NF1: variants seen among roughly 807,000 people sequenced by gnomAD.
NF1 encodes neurofibromin 1.
NF1 carries 122 observed loss-of-function variants against 325.7 expected under a neutral mutation model. That is an observed-to-expected ratio of 0.37 (90% CI 0.32 to 0.44). The LOEUF is 0.44. NF1 is among the 20% of genes least tolerant of loss of function. NF1 has a pLI of 1.00. For missense variants in NF1, 2,140 were observed against 3,415.4 expected, an observed-to-expected ratio of 0.63 and a Z score of 9.31; for synonymous variants, 1,091 against 1,186.0, an observed-to-expected ratio of 0.92 and a Z score of 1.65.
At chr17:31,112,106 ACCTCCATCCCATCCCTAGGGAAC>A (rs1913471382) in intron 1 of NF1, among the ~76,000 whole-genome samples, 1 of 151,760 alleles carries the variant, frequency 6.6e-6, no homozygotes, top group Non-Finnish European at 1.5e-5. Context: ...ATCCATTCCT[ACCTCCATCCCATCCCTAGGGAAC>A]CCTTGAGCTG....
chr17:31,293,209 A>AAAAAAAAAAAAAAAC (rs2068385746), intron 36 of NF1, among the ~76,000 whole-genome samples: 3 of 134,848 alleles, frequency 2.2e-5, no homozygotes, highest in South Asian at 2.3e-4. Flanking sequence ...AAAAAAAAAA[A>AAAAAAAAAAAAAAAC]AAGAAACCTA....
At position 31,358,498 on chromosome 17, in the gene NF1, T is replaced by C. The variant is rs1555536881; in HGVS notation, c.7989T>C (p.Ser2663=). 1 of 1,613,918 alleles carries C rather than the reference T, an allele frequency of 6.2e-7. No homozygotes were observed. The highest frequency in any genetic ancestry group is 8.5e-7 in the Non-Finnish European group (1 of 1,179,894). ...VFPVVHNLLD[S]KINTLLSLCQ... ...CTTTTAGGCATAATTTGTTGGACTCTAAGATCAACACCCTGTTATCATTGT... is the reference window on the plus strand; with the variant it reads ...CTTTTAGGCATAATTTGTTGGACTCCAAGATCAACACCCTGTTATCATTGT... Residue 2663 remains serine (S), a synonymous_variant, in exon 55 of 58, where the codon TCT becomes TCC. Coordinates refer to ENST00000358273, the MANE Select transcript of NF1 (RefSeq NM_001042492.3).
chr17:31,362,254 C>T, intron 57 of NF1: 2 of 967,270 alleles, frequency 2.1e-6, no homozygotes, highest in Non-Finnish European at 2.5e-6. Flanking sequence ...GCTGTGAAGG[C>T]CAGGGCAAAA....
At chr17:31,250,838 T>A (rs1314659363) in intron 30 of NF1, 1 of 186,564 alleles carries the variant, frequency 5.4e-6, no homozygotes, top group East Asian at 8.7e-5. Context: ...TTAGAGCACT[T>A]CACAGTAAAA....
rs575837517 is a variant in NF1, at chr17:31,245,270, T to TC, written c.3975-3711dup. ...GATTACTGTTGTAGCTTAACTGTTCTCCCTGCATATAATCCCCATATTTAG... is the reference window on the plus strand; with the variant it reads ...GATTACTGTTGTAGCTTAACTGTTCTCCCCTGCATATAATCCCCATATTTAG... On this transcript the variant is annotated intron_variant, in intron 29 of 57. Transcript: ENST00000358273. Among the ~76,000 whole-genome samples, 136 of 152,328 alleles carry TC rather than the reference T, an allele frequency of 8.9e-4. 1 individual carries two copies. Among genetic ancestry groups the TC allele is most frequent in the African/African-American group, 3.0e-3 (126 of 41,568 alleles).
intron 57 of NF1, among the ~76,000 whole-genome samples, chr17:31,369,193 C>T (rs1283614104): frequency 6.6e-6 from 1 of 152,174 alleles, no homozygotes; most frequent in African/African-American, 2.4e-5. Flanking sequence ...GGAGCTACAT[C>T]ACTAGTTGTA....
At chr17:31,138,127 A>G (rs1915912732) in intron 1 of NF1, 1 of 150,994 alleles carries the variant, frequency 6.6e-6, no homozygotes, top group Admixed American at 6.6e-5. Context: ...TTATTTATTA[A>G]TTTTTTTCTT....
chr17:31,243,213 T>TGTGTGTGTG (rs57229549), intron 29 of NF1, among the ~76,000 whole-genome samples: 1 of 150,844 alleles, frequency 6.6e-6, no homozygotes, highest in South Asian at 2.1e-4. Flanking sequence ...TGTGTGTGTG[T>TGTGTGTGTG]TGAGCTGCCT....
chr17:31,319,019 G>C, intron 36 of NF1: 1 of 1,588,136 alleles, frequency 6.3e-7, no homozygotes, highest in Non-Finnish European at 8.5e-7. Context: ...GGCATGCTTG[G>C]CAATCTGTTG....
Position 31,226,696 on chromosome 17 carries a change from T to C in NF1, c.2251+12T>C, listed in dbSNP as rs1177575840. ...TATGATGTCAACAGGTAAATGTGAA[T>C]AGTGGTTTTTTTTACTCAGTCTGCC... is the stretch of plus-strand genomic sequence containing the variant. On this transcript the variant is annotated intron_variant, in intron 18 of 57. Transcript: ENST00000358273. The C allele has an allele frequency of 6.2e-7, 1 of 1,613,410 alleles. No individual in the cohort carries two copies. The highest frequency in any genetic ancestry group is 1.3e-5 in the African/African-American group (1 of 74,896).
At chr17:31,335,128 A>G in intron 40 of NF1, 97 bp downstream of exon 40, 2 of 1,022,498 alleles carry the variant, frequency 2.0e-6, no homozygotes, top group Non-Finnish European at 2.9e-6. Context: ...CACTAGGGAT[A>G]GAGTTGTAAA....
intron 36 of NF1, among the ~76,000 whole-genome samples, chr17:31,293,696 T>A (rs911732288): frequency 6.6e-6 from 1 of 151,448 alleles, no homozygotes; most frequent in Non-Finnish European, 1.5e-5. Context: ...CCTTTCTCTA[T>A]CTTTTCCCAC....
intron 5 of NF1, among the ~76,000 whole-genome samples, chr17:31,170,608 G>T (rs2065914235): frequency 6.6e-6 from 1 of 152,168 alleles, no homozygotes; most frequent in Non-Finnish European, 1.5e-5. Flanking sequence ...TAAAGCTTGG[G>T]AAGTACTTTA....
chr17:31,115,422 A>G (rs544669688), intron 1 of NF1, among the ~76,000 whole-genome samples: 2 of 152,352 alleles, frequency 1.3e-5, no homozygotes, highest in Admixed American at 6.5e-5. Context: ...AAGGCCTCCA[A>G]TCCAGCAGAT....
At chr17:31,358,380 TGGC>T in intron 54 of NF1, 97 bp from the exon 55 acceptor site, 1 of 1,245,344 alleles carries the variant, frequency 8.0e-7, no homozygotes, top group East Asian at 2.5e-5. Context: ...CCTTTAATTT[TGGC>T]ACATTATTCT....
chr17:31,256,527 A>G (rs1355024854), intron 31 of NF1, among the ~76,000 whole-genome samples: 3 of 152,124 alleles, frequency 2.0e-5, no homozygotes, highest in Non-Finnish European at 4.4e-5. Context: ...TTATGTGAAG[A>G]ATTTTGTGTG....
intron 36 of NF1, among the ~76,000 whole-genome samples, chr17:31,285,084 A>G (rs938412184): frequency 6.6e-6 from 1 of 152,012 alleles, no homozygotes; most frequent in Non-Finnish European, 1.5e-5. Context: ...ATGCCACTGC[A>G]CTCCAGCCTG....
At chr17:31,349,672 G>A (rs2070091333) in intron 49 of NF1, among the ~76,000 whole-genome samples, 1 of 152,130 alleles carries the variant, frequency 6.6e-6, no homozygotes, top group Admixed American at 6.5e-5. Context: ...ACAAGCAACT[G>A]CCTCTTCAAT....
intron 36 of NF1, among the ~76,000 whole-genome samples, chr17:31,291,717 G>C (rs2068346733): frequency 1.3e-5 from 2 of 152,196 alleles, no homozygotes; most frequent in Admixed American, 1.3e-4. Flanking sequence ...ATATTGAATA[G>C]CACATATTTG....
Sources: gnomAD v4.1 joint callset for allele counts (sites outside exome capture counted in the v4.1 genomes callset) on GRCh38, gnomAD v4.1.1 for gene constraint, MANE v1.5 for transcripts, NCBI Gene and HGNC (gene_info 2026-07-23, HGNC 2026-07-21) for gene names.